The following ARHGAP15 variants were observed in gnomAD, a reference collection of about 807,000 sequenced individuals.
The protein encoded by ARHGAP15 is rho GTPase-activating protein 15.
In ARHGAP15, 51 loss-of-function variants were observed where a neutral mutation model predicts 63.7. That is an observed-to-expected ratio of 0.80 (90% confidence interval 0.64 to 1.01). The LOEUF is 1.01. ARHGAP15 is among the 50% of genes least tolerant of loss of function. The pLI, the probability that ARHGAP15 is intolerant of heterozygous loss-of-function variation, is 0.00. For missense variants in ARHGAP15, 560 were observed against 564.6 expected (o/e 0.99, Z 0.08); for synonymous variants, 191 against 193.8 (o/e 0.99, Z 0.12).
chr2:143,379,384 G>A (rs1044299221), intron 6 of ARHGAP15, among the ~76,000 whole-genome samples: 1 of 150,890 alleles, frequency 6.6e-6, no homozygotes, highest in African/African-American at 2.4e-5. Context: ...TTTGCCTGTT[G>A]GTGCCGATCA....
At chr2:143,753,506 G>T (rs34999746) in intron 13 of ARHGAP15, among the ~76,000 whole-genome samples, 26,561 of 152,042 alleles carry the variant, frequency 0.17, 2,745 homozygotes, top group East Asian at 0.45. Context: ...TCATGAGTTA[G>T]CCCAGCATCC....
intron 6 of ARHGAP15, among the ~76,000 whole-genome samples, chr2:143,262,503 G>A (rs1443087773): frequency 2.1e-5 from 3 of 146,050 alleles, no homozygotes; most frequent in South Asian, 2.2e-4. Context: ...GGAGTCAATC[G>A]GACCTTTGTA....
intron 10 of ARHGAP15, among the ~76,000 whole-genome samples, chr2:143,534,997 T>C (rs1694688887): frequency 6.6e-6 from 1 of 152,212 alleles, no homozygotes; most frequent in Non-Finnish European, 1.5e-5. Context: ...AAGATGTTAT[T>C]TTTTACAATT....
At chr2:143,612,055 T>A (rs566033073) in intron 11 of ARHGAP15, among the ~76,000 whole-genome samples, 1 of 152,366 alleles carries the variant, frequency 6.6e-6, no homozygotes, top group Admixed American at 6.5e-5. Context: ...TTTATCTTCG[T>A]GAAATACAGT....
chr2:143,173,347 A>G (rs536218494), intron 2 of ARHGAP15, among the ~76,000 whole-genome samples: 1 of 152,204 alleles, frequency 6.6e-6, no homozygotes, highest in Admixed American at 6.5e-5. Flanking sequence ...AAGCAATTTT[A>G]GAGATTGTTA....
Position 143,703,497 on chromosome 2 carries a change from T to G in ARHGAP15, c.1217T>G (p.Met406Arg). 1 of 1,612,624 alleles carries G rather than the reference T, an allele frequency of 6.2e-7. No individual in the cohort carries two copies. The highest frequency in any genetic ancestry group is 1.1e-5 in the South Asian group (1 of 90,844). The part of the protein sequence containing the change: ...QKLPPPNRDT[M>R]KVLFGHLTKI... ...CTCCCTCCGCCAAATCGTGACACCA[T>G]GAAAGTCCTCTTTGGACATCTAACT... Residue 406 changes from methionine (M) to arginine (R), a missense_variant, in exon 13 of 14, where the codon ATG becomes AGG. By Grantham distance (91) the Met-to-Arg change is moderately conservative. Coordinates refer to ENST00000295095, the MANE Select transcript of ARHGAP15 (RefSeq NM_018460.4).
intron 12 of ARHGAP15, among the ~76,000 whole-genome samples, chr2:143,677,423 GA>G (rs1682881533): frequency 6.6e-6 from 1 of 152,144 alleles, no homozygotes; most frequent in African/African-American, 2.4e-5. Flanking sequence ...TTCCCAGAAA[GA>G]TATATTTTTC....
intron 9 of ARHGAP15, among the ~76,000 whole-genome samples, chr2:143,508,857 A>T (rs1472285107): frequency 6.6e-6 from 1 of 152,198 alleles, no homozygotes; most frequent in Non-Finnish European, 1.5e-5. Flanking sequence ...TGAGTTTAGG[A>T]GCTGAAAACG....
chr2:143,353,400 C>CG (rs1328532316), intron 6 of ARHGAP15, among the ~76,000 whole-genome samples: 4 of 152,118 alleles, frequency 2.6e-5, no homozygotes, highest in Admixed American at 6.5e-5. Flanking sequence ...GCTTTTTTAG[C>CG]AAAGTGGGAA....
intron 8 of ARHGAP15, among the ~76,000 whole-genome samples, chr2:143,473,056 G>A (rs1691654590): frequency 6.6e-6 from 1 of 152,120 alleles, no homozygotes; most frequent in Admixed American, 6.5e-5. Flanking sequence ...ACTAGAACGT[G>A]AAGACCCACC....
At chr2:143,672,290 C>T (rs1682565776) in intron 12 of ARHGAP15, among the ~76,000 whole-genome samples, 1 of 151,648 alleles carries the variant, frequency 6.6e-6, no homozygotes, top group Non-Finnish European at 1.5e-5. Flanking sequence ...CTGAGGTTCT[C>T]AGATATGAAA....
intron 2 of ARHGAP15, among the ~76,000 whole-genome samples, chr2:143,166,821 T>C (rs1391175552): frequency 6.6e-6 from 1 of 152,132 alleles, no homozygotes; most frequent in Non-Finnish European, 1.5e-5. Context: ...TTGACCTATT[T>C]CCTATGTCTT....
At chr2:143,241,207 C>T (rs985553985) in intron 5 of ARHGAP15, among the ~76,000 whole-genome samples, 5 of 152,130 alleles carry the variant, frequency 3.3e-5, no homozygotes, top group African/African-American at 1.2e-4. Flanking sequence ...AGCAGTATCA[C>T]ATTAGGTAGA....
intron 8 of ARHGAP15, among the ~76,000 whole-genome samples, chr2:143,468,445 G>A (rs759405971): frequency 3.9e-5 from 6 of 152,028 alleles, no homozygotes; most frequent in African/African-American, 1.4e-4. Context: ...TTCAGAACTG[G>A]TTCCAGGGTT....
chr2:143,565,142 T>A (rs1283378528), intron 11 of ARHGAP15, among the ~76,000 whole-genome samples: 2 of 152,162 alleles, frequency 1.3e-5, no homozygotes, highest in African/African-American at 4.8e-5. Context: ...GAGGTGAATC[T>A]ATTTTAAACT....
intron 11 of ARHGAP15, among the ~76,000 whole-genome samples, chr2:143,558,697 A>G (rs1324730308): frequency 6.6e-6 from 1 of 152,190 alleles, no homozygotes; most frequent in African/African-American, 2.4e-5. Context: ...AGTTCCTCAT[A>G]CAGGGAGTTT....
At chr2:143,224,841 C>T (rs1050981458) in intron 4 of ARHGAP15, among the ~76,000 whole-genome samples, 3 of 152,148 alleles carry the variant, frequency 2.0e-5, no homozygotes, top group African/African-American at 7.2e-5. Flanking sequence ...ATGGGCAACA[C>T]AATGGGTCAG....
At chr2:143,148,146 T>C (rs3910608) in intron 1 of ARHGAP15, among the ~76,000 whole-genome samples, 37,505 of 152,002 alleles carry the variant, frequency 0.25, 6,229 homozygotes, top group Admixed American at 0.39. Flanking sequence ...TTTCCTTAAA[T>C]CTTGTGATCT....
At chr2:143,223,472 C>G (rs1693080976) in intron 4 of ARHGAP15, among the ~76,000 whole-genome samples, 1 of 152,102 alleles carries the variant, frequency 6.6e-6, no homozygotes, top group South Asian at 2.1e-4. Context: ...TATCCAACAC[C>G]TTAATTTTTG....
Sources: gnomAD v4.1 joint callset for allele counts (sites outside exome capture counted in the v4.1 genomes callset) on GRCh38, gnomAD v4.1.1 for gene constraint, MANE v1.5 for transcripts, NCBI Gene and HGNC (gene_info 2026-07-23, HGNC 2026-07-21) for gene names.